Variants in GAREM1 observed in about 807,000 individuals in gnomAD.
GAREM1 encodes the protein GRB2 associated regulator of MAPK1 subtype 1, also known as GRB2-associated and regulator of MAPK protein 1.
GAREM1 carries 26 observed loss-of-function variants against 71.3 expected under a neutral mutation model. The observed-to-expected ratio is 0.36, with a 90% CI of 0.27 to 0.51. The LOEUF is 0.51. GAREM1 is among the 20% of genes least tolerant of loss of function. GAREM1 has a pLI of 0.95. For synonymous variants in GAREM1, 440 were observed against 433.2 expected (o/e 1.02, Z -0.20); for missense variants, 1,026 against 1,103.1 (o/e 0.93, Z 0.99).
intron 1 of GAREM1, among the ~76,000 whole-genome samples, chr18:32,439,498 A>G (rs780399102): frequency 2.0e-5 from 3 of 152,278 alleles, no homozygotes; most frequent in African/African-American, 7.2e-5. Flanking sequence ...GGGTTTGTTC[A>G]GTCCTATTAA....
intron 2 of GAREM1, among the ~76,000 whole-genome samples, chr18:32,330,381 G>T (rs2047520000): frequency 3.3e-5 from 5 of 152,038 alleles, no homozygotes; most frequent in Admixed American, 3.3e-4. Flanking sequence ...AGGAGGCAAG[G>T]GTTGAAAAAC....
At chr18:32,451,525 C>T (rs564390281) in intron 1 of GAREM1, among the ~76,000 whole-genome samples, 21 of 152,276 alleles carry the variant, frequency 1.4e-4, no homozygotes, top group African/African-American at 5.1e-4. Flanking sequence ...CTTCCCTCTT[C>T]CTCATATTCC....
At chr18:32,426,038 A>G (rs2048570919) in intron 1 of GAREM1, among the ~76,000 whole-genome samples, 1 of 151,746 alleles carries the variant, frequency 6.6e-6, no homozygotes, top group South Asian at 2.1e-4. Context: ...TTTGTTTTTG[A>G]GACGGAATCT....
chr18:32,417,126 A>G (rs1225596308), intron 1 of GAREM1, among the ~76,000 whole-genome samples: 1 of 152,240 alleles, frequency 6.6e-6, no homozygotes, highest in Non-Finnish European at 1.5e-5. Context: ...AAAGTGCTCA[A>G]CATCACTGAT....
chr18:32,271,950 C>G (rs1459487123), intron 4 of GAREM1, among the ~76,000 whole-genome samples: 2 of 152,212 alleles, frequency 1.3e-5, no homozygotes, highest in Admixed American at 6.5e-5. Flanking sequence ...AAAATATTAA[C>G]AGAGCCAATT....
In GAREM1 at chr18:32,355,732, G is replaced by C. The variant is rs957028553; in HGVS notation, c.262+37163C>G. On this transcript the variant is annotated intron_variant, in intron 2 of 5. Coordinates refer to ENST00000269209, the MANE Select transcript of GAREM1 (RefSeq NM_001242409.2). ...AGAAAGAACAAGAGTATGTTGACAGGTGAAAAACATTCTATAAAAGAAATG... is the reference window on the plus strand; with the variant it reads ...AGAAAGAACAAGAGTATGTTGACAGCTGAAAAACATTCTATAAAAGAAATG... Among the ~76,000 whole-genome samples, 3 of 152,052 alleles carry C rather than the reference G, an allele frequency of 2.0e-5. No homozygotes were observed. In the East Asian group the frequency reaches 5.8e-4, roughly 29 times the overall value.
chr18:32,455,646 C>G (rs2144300991), intron 1 of GAREM1, among the ~76,000 whole-genome samples: 1 of 152,284 alleles, frequency 6.6e-6, no homozygotes, highest in African/African-American at 2.4e-5. Context: ...ACTTCAGAGA[C>G]TCACCAGGGT....
intron 4 of GAREM1, among the ~76,000 whole-genome samples, chr18:32,281,741 G>A (rs1598926280): frequency 6.6e-6 from 1 of 152,340 alleles, no homozygotes; most frequent in East Asian, 1.9e-4. Flanking sequence ...TTGGGAGGCT[G>A]AGGCAGGTGG....
chr18:32,384,157 C>T (rs1314716507), intron 2 of GAREM1, among the ~76,000 whole-genome samples: 4 of 152,170 alleles, frequency 2.6e-5, no homozygotes, highest in South Asian at 2.1e-4. Flanking sequence ...CTGGGTCAGT[C>T]GCTAGAAACC....
At chr18:32,325,858 A>G (rs772084518) in intron 2 of GAREM1, among the ~76,000 whole-genome samples, 5 of 152,216 alleles carry the variant, frequency 3.3e-5, no homozygotes, top group Non-Finnish European at 7.3e-5. Context: ...CACTGGACTT[A>G]CGAGGATGAC....
rs185124564 is a variant in GAREM1, at chr18:32,327,923, T to C, written c.263-17600A>G. Among the ~76,000 whole-genome samples, 618 of 152,264 alleles carry C rather than the reference T, an allele frequency of 4.1e-3. 5 individuals carry two copies. Among genetic ancestry groups the C allele is most frequent in the African/African-American group, 0.014 (595 of 41,552 alleles). On this transcript the variant is annotated intron_variant, in intron 2 of 5. Coordinates refer to ENST00000269209, the MANE Select transcript of GAREM1 (RefSeq NM_001242409.2). ...CTGTTACAGGGATTAAATGAGGCCA[T>C]ATAGGTACAATGCTCAACAAAGGGC...
intron 1 of GAREM1, among the ~76,000 whole-genome samples, chr18:32,416,070 A>G (rs867013087): frequency 1.3e-5 from 2 of 152,190 alleles, no homozygotes; most frequent in Non-Finnish European, 2.9e-5. Context: ...GCATTTCTAT[A>G]TGCCAACAGT....
At chr18:32,381,338 TA>T (rs1254794188) in intron 2 of GAREM1, among the ~76,000 whole-genome samples, 2 of 152,158 alleles carry the variant, frequency 1.3e-5, no homozygotes, top group African/African-American at 4.8e-5. Flanking sequence ...TATTTCTTAT[TA>T]GGAAGAACCT....
chr18:32,421,623 A>G (rs2048520318), intron 1 of GAREM1, among the ~76,000 whole-genome samples: 1 of 152,040 alleles, frequency 6.6e-6, no homozygotes, highest in Non-Finnish European at 1.5e-5. Flanking sequence ...GAATCAAAAA[A>G]AGGTGCACAG....
At chr18:32,286,451 T>C (rs562714862) in intron 4 of GAREM1, among the ~76,000 whole-genome samples, 1 of 152,064 alleles carries the variant, frequency 6.6e-6, no homozygotes, top group Non-Finnish European at 1.5e-5. Flanking sequence ...CCTCTTGATT[T>C]TCCTCTGCTT....
At chr18:32,288,851 C>T (rs191882849) in intron 3 of GAREM1, among the ~76,000 whole-genome samples, 2 of 152,188 alleles carry the variant, frequency 1.3e-5, no homozygotes, top group East Asian at 3.9e-4. Context: ...CCATTTCCCC[C>T]GGGCATATCC....
chr18:32,418,177 G>C (rs1001009967), intron 1 of GAREM1, among the ~76,000 whole-genome samples: 15 of 152,140 alleles, frequency 9.9e-5, no homozygotes, highest in African/African-American at 3.6e-4. Context: ...AAAACACCAA[G>C]GAGACTAAAA....
At chr18:32,357,271 G>A (rs1365796660) in intron 2 of GAREM1, among the ~76,000 whole-genome samples, 1 of 152,164 alleles carries the variant, frequency 6.6e-6, no homozygotes, top group East Asian at 1.9e-4. Flanking sequence ...GAGCCCAGGA[G>A]TTCAAGACCA....
At chr18:32,353,334 T>C (rs1043110423) in intron 2 of GAREM1, among the ~76,000 whole-genome samples, 1 of 152,228 alleles carries the variant, frequency 6.6e-6, no homozygotes, top group Admixed American at 6.5e-5. Context: ...CCTACTTTTA[T>C]TTCTTAGCAA....
Sources: gnomAD v4.1 joint callset for allele counts (sites outside exome capture counted in the v4.1 genomes callset) on GRCh38, gnomAD v4.1.1 for gene constraint, MANE v1.5 for transcripts, NCBI Gene and HGNC (gene_info 2026-07-23, HGNC 2026-07-21) for gene names.